Variants in LRRC8C observed in about 807,000 individuals in gnomAD.
LRRC8C encodes the protein volume-regulated anion channel subunit LRRC8C.
Under a neutral mutation model 55.3 loss-of-function variants are expected in LRRC8C, and 20 were observed. That is an observed-to-expected ratio of 0.36 (90% CI 0.25 to 0.53). LRRC8C has a LOEUF of 0.53. Ranked by LOEUF, LRRC8C falls within the 20% of genes least tolerant of loss-of-function variation. The probability of loss-of-function intolerance (pLI) is 0.92; values close to 1 mark genes in which losing one functional copy is unlikely to be tolerated. For missense variants in LRRC8C, 659 were observed against 951.4 expected (o/e 0.69, Z 4.04); for synonymous variants, 376 against 360.7 (o/e 1.04, Z -0.48).
the LRRC8C span, among the ~76,000 whole-genome samples, chr1:89,616,201 T>A: frequency 6.6e-6 from 1 of 152,120 alleles, no homozygotes; most frequent in Non-Finnish European, 1.5e-5. Flanking sequence ...GATTTATTAA[T>A]GACAAACAGA....
At chr1:89,694,065 C>T (rs1658100613) in intron 2 of LRRC8C, among the ~76,000 whole-genome samples, 1 of 151,768 alleles carries the variant, frequency 6.6e-6, no homozygotes, top group African/African-American at 2.4e-5. Flanking sequence ...TAAAGAGCAA[C>T]CTTTGTCATC....
At chr1:89,671,544 G>A (rs978000451) in intron 1 of LRRC8C, among the ~76,000 whole-genome samples, 1 of 152,136 alleles carries the variant, frequency 6.6e-6, no homozygotes, top group Non-Finnish European at 1.5e-5. Context: ...ATGTTGCTGC[G>A]TGTGTTCAGT....
chr1:89,685,818 G>A (rs2101282256), intron 1 of LRRC8C, among the ~76,000 whole-genome samples: 1 of 100,154 alleles, frequency 1.0e-5, no homozygotes, highest in South Asian at 4.6e-4. Flanking sequence ...GAGAAGTACA[G>A]GAAACAGAGA....
chr1:89,695,169 C>A (rs1266975059), intron 2 of LRRC8C, among the ~76,000 whole-genome samples: 1 of 151,748 alleles, frequency 6.6e-6, no homozygotes, highest in South Asian at 2.1e-4. Flanking sequence ...TGATCTGCCC[C>A]CCTCGGGCTC....
At chr1:89,669,375 C>G (rs1160296440) in intron 1 of LRRC8C, among the ~76,000 whole-genome samples, 1 of 151,988 alleles carries the variant, frequency 6.6e-6, no homozygotes, top group East Asian at 1.9e-4. Flanking sequence ...AACATTGTAC[C>G]TATAGTTACC....
chr1:89,705,048 A>AT lies in LRRC8C; in HGVS notation c.139-7659dup, dbSNP rs1244159198. On this transcript the variant is annotated intron_variant, in intron 2 of 2. Coordinates refer to ENST00000370454, the MANE Select transcript of LRRC8C (RefSeq NM_032270.5). ...CAAATGTCCAACAATGATAGACTGG[A>AT]TTAAGAAAATGTGGCACATATACAC... 2.0e-5 allele frequency among the ~76,000 whole-genome samples: 3 copies of AT among 152,046 alleles called. No individual in the cohort carries two copies. The South Asian group carries it at 6.2e-4, about 32-fold the overall frequency.
intron 1 of LRRC8C, among the ~76,000 whole-genome samples, chr1:89,670,486 T>C (rs1657386470): frequency 6.6e-6 from 1 of 152,200 alleles, no homozygotes; most frequent in Non-Finnish European, 1.5e-5. Flanking sequence ...GTTTTCTGCT[T>C]TTCTTTCTAT....
At chr1:89,664,279 T>A (rs1657197717) in intron 1 of LRRC8C, among the ~76,000 whole-genome samples, 1 of 152,224 alleles carries the variant, frequency 6.6e-6, no homozygotes, top group South Asian at 2.1e-4. Context: ...TTTTATGTCT[T>A]ACAGTTAAGT....
At chr1:89,671,264 A>G (rs749265180) in intron 1 of LRRC8C, among the ~76,000 whole-genome samples, 34 of 152,124 alleles carry the variant, frequency 2.2e-4, no homozygotes, top group Non-Finnish European at 4.0e-4. Flanking sequence ...GTTAGGTAAA[A>G]TGTGTTGAAA....
rs1265257421 is a variant in LRRC8C, at chr1:89,714,999, G to A, written c.*17G>A. On this transcript the variant is annotated 3_prime_UTR_variant, in exon 3 of 3. Coordinates refer to ENST00000370454, the MANE Select transcript of LRRC8C (RefSeq NM_032270.5). The surrounding 1 kb of genome is among the most constrained non-coding windows in gnomAD (Gnocchi z 4.6). ...ACAGAATAACTTATTTTTCGTTAAA[G>A]TTTGACTGAAACACGCTTCTACCAA... 13 of 1,533,816 alleles carry A rather than the reference G, an allele frequency of 8.5e-6. No homozygotes were observed. Among genetic ancestry groups the A allele is most frequent in the African/African-American group, 2.8e-5 (2 of 72,016 alleles).
At chr1:89,672,162 T>C (rs1022150923) in intron 1 of LRRC8C, among the ~76,000 whole-genome samples, 6 of 152,202 alleles carry the variant, frequency 3.9e-5, no homozygotes, top group African/African-American at 1.4e-4. Flanking sequence ...CTGTCTGAAA[T>C]GTTCTCCTGG....
At chr1:89,686,663 T>C (rs779260702) in intron 2 of LRRC8C, 52 bp downstream of exon 2, 3 of 1,597,744 alleles carry the variant, frequency 1.9e-6, no homozygotes, top group Admixed American at 1.7e-5. Flanking sequence ...GCACAAGTCA[T>C]TGAAACCTCT....
At chr1:89,697,408 C>T (rs572729122) in intron 2 of LRRC8C, among the ~76,000 whole-genome samples, 1 of 152,274 alleles carries the variant, frequency 6.6e-6, no homozygotes, top group East Asian at 1.9e-4. Context: ...TTATTCTACT[C>T]CTGCTCACAG....
intron 2 of LRRC8C, among the ~76,000 whole-genome samples, chr1:89,687,788 C>T (rs1040942293): frequency 2.0e-5 from 3 of 152,036 alleles, no homozygotes; most frequent in Admixed American, 6.5e-5. Flanking sequence ...TGGAAATCAA[C>T]GTATTATAGA....
chr1:89,678,422 C>T (rs1183408350), intron 1 of LRRC8C, among the ~76,000 whole-genome samples: 4 of 152,126 alleles, frequency 2.6e-5, no homozygotes, highest in South Asian at 2.1e-4. Context: ...AACACAAGGC[C>T]GGGCATGGTG....
intron 1 of LRRC8C, among the ~76,000 whole-genome samples, chr1:89,685,437 C>G (rs1657850228): frequency 6.6e-6 from 1 of 152,148 alleles, no homozygotes; most frequent in Admixed American, 6.5e-5. Flanking sequence ...GTTCTTAATT[C>G]AGTATTAGGG....
chr1:89,697,925 TA>T (rs573053338), intron 2 of LRRC8C, among the ~76,000 whole-genome samples: 3 of 152,190 alleles, frequency 2.0e-5, no homozygotes, highest in South Asian at 2.1e-4. Flanking sequence ...AATGAAGGGT[TA>T]AAAAAATGAA....
intron 1 of LRRC8C, among the ~76,000 whole-genome samples, chr1:89,684,926 C>T (rs192561943): frequency 2.0e-5 from 3 of 152,154 alleles, no homozygotes; most frequent in African/African-American, 7.2e-5. Context: ...AGGAGAACAT[C>T]GCCAGGCCGT....
intron 1 of LRRC8C, among the ~76,000 whole-genome samples, chr1:89,639,627 CTGTT>C (rs1383020887): frequency 6.6e-6 from 1 of 152,182 alleles, no homozygotes; most frequent in African/African-American, 2.4e-5. Context: ...CATATTTTCT[CTGTT>C]TGATTTTTGG....
Sources: gnomAD v4.1 joint callset for allele counts (sites outside exome capture counted in the v4.1 genomes callset) on GRCh38, gnomAD v4.1.1 for gene constraint, Gnocchi (gnomAD v3.1) non-coding constraint, MANE v1.5 for transcripts, NCBI Gene and HGNC (gene_info 2026-07-23, HGNC 2026-07-21) for gene names.